Variants in GPR141 observed in about 807,000 individuals in gnomAD.
GPR141 encodes G protein-coupled receptor 141, also known as probable G protein-coupled receptor 141.
In GPR141, 6 loss-of-function variants were observed where a neutral mutation model predicts 6.8. That is an observed-to-expected ratio of 0.88 (90% CI 0.48 to 1.74). The LOEUF (loss-of-function observed/expected upper bound fraction) is 1.74, where lower values mean the gene tolerates loss of function less well. Ranked by LOEUF, GPR141 falls within the 40% of genes most tolerant of loss-of-function variation. The pLI, the probability that GPR141 is intolerant of heterozygous loss-of-function variation, is 0.01. For synonymous variants in GPR141, 140 were observed against 142.3 expected (o/e 0.98, Z 0.11); for missense variants, 372 against 372.9 (o/e 1.00, Z 0.02).
intron 2 of GPR141, among the ~76,000 whole-genome samples, chr7:37,708,310 C>CAAAAAAAAAA (rs66783277): frequency 2.2e-4 from 13 of 59,802 alleles, no homozygotes; most frequent in East Asian, 5.9e-4. Context: ...AAATTGCTGG[C>CAAAAAAAAAA]AAAAAAAAAA....
rs1444286007 is a variant in GPR141 at position 37,742,526 on chromosome 7, G to A, written c.*1215G>A. On this transcript the variant is annotated 3_prime_UTR_variant, in exon 3 of 3. Coordinates refer to ENST00000334425, the MANE Select transcript of GPR141 (RefSeq NM_001381946.1). Reference sequence around the variant, plus strand: ...TTTTCTGTTCCTGTGTTAGTTTGCTGAGAATGATGGTTTCCAGGTTAAAAT... The same window carrying A: ...TTTTCTGTTCCTGTGTTAGTTTGCTAAGAATGATGGTTTCCAGGTTAAAAT... Among the ~76,000 whole-genome samples the A allele has an allele frequency of 6.6e-6, 1 of 151,908 alleles. No individual in the cohort carries two copies. Among genetic ancestry groups the A allele is most frequent in the African/African-American group, 2.4e-5 (1 of 41,336 alleles).
chr7:37,690,904 A>G (rs953627403), intron 2 of GPR141, among the ~76,000 whole-genome samples: 7 of 152,190 alleles, frequency 4.6e-5, no homozygotes, highest in Non-Finnish European at 7.3e-5. Flanking sequence ...CATGCTGAGA[A>G]CAAAGTGTTG....
intron 2 of GPR141, among the ~76,000 whole-genome samples, chr7:37,734,020 A>C (rs1439690502): frequency 6.6e-6 from 1 of 152,006 alleles, no homozygotes; most frequent in Non-Finnish European, 1.5e-5. Context: ...AAAAATACAA[A>C]AGTTAGGCCA....
chr7:37,687,866 C>G (rs564438225), intron 2 of GPR141, among the ~76,000 whole-genome samples: 1 of 152,142 alleles, frequency 6.6e-6, no homozygotes, highest in Non-Finnish European at 1.5e-5. Flanking sequence ...CTCTCAAACA[C>G]AAGTAAACTT....
intron 2 of GPR141, among the ~76,000 whole-genome samples, chr7:37,701,478 T>G (rs2131756913): frequency 6.6e-6 from 1 of 152,264 alleles, no homozygotes; most frequent in Admixed American, 6.5e-5. Context: ...CTTGCCAGAT[T>G]TAGAAAATGA....
chr7:37,707,824 A>G (rs1350987914), intron 2 of GPR141, among the ~76,000 whole-genome samples: 1 of 152,168 alleles, frequency 6.6e-6, no homozygotes, highest in Non-Finnish European at 1.5e-5. Context: ...AGAAAATAGG[A>G]ATATTCAGTT....
chr7:37,700,940 C>T (rs1226409404), intron 2 of GPR141, among the ~76,000 whole-genome samples: 2 of 152,136 alleles, frequency 1.3e-5, no homozygotes, highest in Non-Finnish European at 2.9e-5. Flanking sequence ...AACTCACCTG[C>T]CCCAGGAAAT....
At chr7:37,730,275 C>G (rs1401944356) in intron 2 of GPR141, among the ~76,000 whole-genome samples, 1 of 152,122 alleles carries the variant, frequency 6.6e-6, no homozygotes, top group East Asian at 1.9e-4. Context: ...AAATTCTGAG[C>G]TACGGCACAT....
chr7:37,705,614 G>A (rs1289728268), intron 2 of GPR141, among the ~76,000 whole-genome samples: 1 of 152,150 alleles, frequency 6.6e-6, no homozygotes, highest in Non-Finnish European at 1.5e-5. Flanking sequence ...TGGTAAACCT[G>A]ATTTGAAGTG....
intron 2 of GPR141, among the ~76,000 whole-genome samples, chr7:37,706,581 C>G (rs529684882): frequency 6.6e-6 from 1 of 151,960 alleles, no homozygotes; most frequent in Non-Finnish European, 1.5e-5. Context: ...TTAAAGAATT[C>G]ACAAATCAAT....
At chr7:37,733,496 A>G (rs937060266) in intron 2 of GPR141, among the ~76,000 whole-genome samples, 1 of 151,758 alleles carries the variant, frequency 6.6e-6, no homozygotes, top group African/African-American at 2.4e-5. Flanking sequence ...AAATGGTGAA[A>G]CTCCGTCTCT....
chr7:37,737,499 G>A (rs973899167), intron 2 of GPR141, among the ~76,000 whole-genome samples: 1 of 152,066 alleles, frequency 6.6e-6, no homozygotes, highest in Non-Finnish European at 1.5e-5. Flanking sequence ...GCGGCCCATG[G>A]GCCACATACA....
chr7:37,689,782 T>C (rs1809673231), intron 2 of GPR141, among the ~76,000 whole-genome samples: 1 of 152,012 alleles, frequency 6.6e-6, no homozygotes, highest in Non-Finnish European at 1.5e-5. Context: ...TATTTGGGTA[T>C]TTTCTCTTTT....
intron 2 of GPR141, among the ~76,000 whole-genome samples, chr7:37,708,883 C>T (rs749819025): frequency 1.3e-5 from 2 of 152,094 alleles, no homozygotes; most frequent in Non-Finnish European, 2.9e-5. Context: ...ACATTCAAAG[C>T]GAACTGCGTA....
chr7:37,731,911 A>G (rs1327008706), intron 2 of GPR141, among the ~76,000 whole-genome samples: 1 of 152,110 alleles, frequency 6.6e-6, no homozygotes, highest in Non-Finnish European at 1.5e-5. Flanking sequence ...CTGGGGAGCC[A>G]TCTTGGGAGT....
intron 2 of GPR141, among the ~76,000 whole-genome samples, chr7:37,705,500 C>T (rs1191494610): frequency 6.6e-6 from 1 of 152,166 alleles, no homozygotes; most frequent in Non-Finnish European, 1.5e-5. Context: ...AAGGAAAGTA[C>T]ATCTGCAAAT....
intron 2 of GPR141, among the ~76,000 whole-genome samples, chr7:37,714,138 A>G (rs562502266): frequency 6.6e-6 from 1 of 152,028 alleles, no homozygotes; most frequent in Non-Finnish European, 1.5e-5. Flanking sequence ...TGTTAGTGCC[A>G]TCTCTTTTTA....
intron 2 of GPR141, among the ~76,000 whole-genome samples, chr7:37,714,342 G>A (rs1001940052): frequency 6.6e-6 from 1 of 152,074 alleles, no homozygotes; most frequent in Admixed American, 6.5e-5. Context: ...TTTTGCTACT[G>A]GAACTAGCCA....
chr7:37,733,280 G>A (rs1314298829), intron 2 of GPR141, among the ~76,000 whole-genome samples: 1 of 152,126 alleles, frequency 6.6e-6, no homozygotes, highest in Non-Finnish European at 1.5e-5. Context: ...TTTGGGATGG[G>A]AAGAAGCCCC....
Sources: gnomAD v4.1 joint callset for allele counts (sites outside exome capture counted in the v4.1 genomes callset) on GRCh38, gnomAD v4.1.1 for gene constraint, MANE v1.5 for transcripts, NCBI Gene and HGNC (gene_info 2026-07-23, HGNC 2026-07-21) for gene names.